Variants in SGCD observed in about 807,000 individuals in gnomAD.
SGCD encodes delta-sarcoglycan.
In SGCD, 18 loss-of-function variants were observed where a neutral mutation model predicts 36.6. The ratio of observed to expected loss-of-function variants is 0.49; its 90% confidence interval spans 0.34 to 0.73. SGCD has a LOEUF of 0.73. SGCD is among the 30% of genes least tolerant of loss of function. The probability of loss-of-function intolerance (pLI) is 0.01; values close to 1 mark genes in which losing one functional copy is unlikely to be tolerated. For synonymous variants in SGCD, 133 were observed against 130.6 expected (o/e 1.02, Z -0.12); for missense variants, 387 against 346.7 (o/e 1.12, Z -0.92).
intron 3 of SGCD, among the ~76,000 whole-genome samples, chr5:156,139,908 A>G (rs1762537233): frequency 6.6e-6 from 1 of 152,100 alleles, no homozygotes; most frequent in Non-Finnish European, 1.5e-5. Flanking sequence ...TGAGATTGAC[A>G]CCTTTGTAAA....
intron 3 of SGCD, among the ~76,000 whole-genome samples, chr5:156,475,995 T>C (rs895673378): frequency 1.3e-5 from 2 of 152,304 alleles, no homozygotes; most frequent in African/African-American, 4.8e-5. Context: ...AGGGAGGCAA[T>C]TGTCTGCTTT....
intron 1 of SGCD, among the ~76,000 whole-genome samples, chr5:155,963,942 A>G (rs565654952): frequency 7.9e-5 from 12 of 152,250 alleles, no homozygotes; most frequent in African/African-American, 2.9e-4. Context: ...GTTTTTGTTC[A>G]TATTTCATAC....
the SGCD span, among the ~76,000 whole-genome samples, chr5:155,728,364 G>C: frequency 2.2e-4 from 33 of 152,174 alleles, no homozygotes; most frequent in African/African-American, 8.0e-4. Context: ...TCCATGCTGC[G>C]GGAGCTGCGG....
At chr5:156,588,640 A>C (rs1020821831) in intron 4 of SGCD, among the ~76,000 whole-genome samples, 6 of 152,212 alleles carry the variant, frequency 3.9e-5, no homozygotes, top group African/African-American at 1.4e-4. Flanking sequence ...CTAGAGGAAA[A>C]GGAATCTGGA....
In SGCD at chr5:156,759,294, G is replaced by A; in HGVS notation, c.777G>A (p.Lys259=). Residue 259 remains lysine, a synonymous_variant, in exon 9 of 9, where the codon AAG becomes AAA. Transcript: ENST00000337851. ...GSYTPTGTRQ[K]VFEICVCANG... is the part of the protein sequence containing the mutation. ...ACACGCCTACAGGAACGAGGCAGAA[G>A]GTCTTCGAGATCTGCGTCTGCGCCA... 6.2e-7 allele frequency: 1 copy of A among 1,613,628 alleles called. No individual in the cohort carries two copies. The highest frequency in any genetic ancestry group is 1.1e-5 in the South Asian group (1 of 91,072).
intron 7 of SGCD, among the ~76,000 whole-genome samples, chr5:156,651,777 T>G (rs554619201): frequency 2.6e-4 from 39 of 152,168 alleles, no homozygotes; most frequent in African/African-American, 9.4e-4. Context: ...TTTGGGCTCT[T>G]TTTTGGTTCC....
At chr5:156,452,360 G>A (rs1306503167) in intron 3 of SGCD, among the ~76,000 whole-genome samples, 2 of 152,116 alleles carry the variant, frequency 1.3e-5, no homozygotes, top group African/African-American at 4.8e-5. Context: ...GATAATGCAA[G>A]CTGCAGCTCT....
intron 3 of SGCD, among the ~76,000 whole-genome samples, chr5:156,231,709 G>T (rs1387178944): frequency 6.6e-6 from 1 of 152,176 alleles, no homozygotes; most frequent in Non-Finnish European, 1.5e-5. Context: ...TCAAACTTTA[G>T]ATATATAGAG....
At chr5:156,494,946 C>A (rs1420170211) in intron 3 of SGCD, among the ~76,000 whole-genome samples, 1 of 152,056 alleles carries the variant, frequency 6.6e-6, no homozygotes. Flanking sequence ...TATATCCTAC[C>A]CTCTCTCTTC....
At chr5:156,294,863 A>G (rs892076721) in intron 3 of SGCD, among the ~76,000 whole-genome samples, 2 of 152,132 alleles carry the variant, frequency 1.3e-5, no homozygotes, top group Non-Finnish European at 2.9e-5. Context: ...TCTTTACAAT[A>G]TACTTTTGAA....
intron 3 of SGCD, among the ~76,000 whole-genome samples, chr5:156,248,219 G>C (rs960627900): frequency 2.0e-5 from 3 of 152,126 alleles, no homozygotes; most frequent in African/African-American, 7.2e-5. Flanking sequence ...TTGGCTTCTA[G>C]AGATTAAAAC....
At chr5:156,685,001 T>C (rs1377070236) in intron 7 of SGCD, among the ~76,000 whole-genome samples, 1 of 152,092 alleles carries the variant, frequency 6.6e-6, no homozygotes, top group Admixed American at 6.6e-5. Flanking sequence ...GAAAAAGATA[T>C]ACTCGCATTT....
At chr5:155,803,211 T>C in the SGCD span, among the ~76,000 whole-genome samples, 1 of 152,296 alleles carries the variant, frequency 6.6e-6, no homozygotes, top group South Asian at 2.1e-4. Flanking sequence ...CAGAGGGAAT[T>C]TAATGATACA....
At chr5:156,294,461 G>A (rs1766843672) in intron 3 of SGCD, among the ~76,000 whole-genome samples, 1 of 151,992 alleles carries the variant, frequency 6.6e-6, no homozygotes, top group Admixed American at 6.6e-5. Context: ...AAATAAATTT[G>A]GATGCTTTTT....
At chr5:156,415,758 C>A (rs1044500206) in intron 3 of SGCD, among the ~76,000 whole-genome samples, 1 of 152,144 alleles carries the variant, frequency 6.6e-6, no homozygotes, top group East Asian at 1.9e-4. Flanking sequence ...AAATATTTCT[C>A]CCACCTGTTA....
intron 1 of SGCD, among the ~76,000 whole-genome samples, chr5:156,038,885 G>T (rs531382962): frequency 1.3e-5 from 2 of 152,212 alleles, no homozygotes; most frequent in African/African-American, 4.8e-5. Context: ...ATGCAAAGTG[G>T]TATATATTAG....
the SGCD span, among the ~76,000 whole-genome samples, chr5:155,735,659 A>C: frequency 1.3e-5 from 2 of 152,218 alleles, no homozygotes; most frequent in African/African-American, 4.8e-5. Context: ...TTGCAAGCAT[A>C]GGTAGATACA....
intron 6 of SGCD, among the ~76,000 whole-genome samples, chr5:156,604,143 A>AATG (rs1313648625): frequency 6.6e-6 from 1 of 151,948 alleles, no homozygotes; most frequent in Non-Finnish European, 1.5e-5. Context: ...ATCACTATAC[A>AATG]ATGACCTTCT....
chr5:156,001,026 C>A (rs987392202), intron 1 of SGCD, among the ~76,000 whole-genome samples: 2 of 152,026 alleles, frequency 1.3e-5, no homozygotes, highest in Non-Finnish European at 2.9e-5. Context: ...TGGGACCATC[C>A]AAGGGATATC....
Sources: gnomAD v4.1 joint callset for allele counts (sites outside exome capture counted in the v4.1 genomes callset) on GRCh38, gnomAD v4.1.1 for gene constraint, MANE v1.5 for transcripts, NCBI Gene and HGNC (gene_info 2026-07-23, HGNC 2026-07-21) for gene names.